Variants in BBS4 observed in about 807,000 individuals in gnomAD.
BBS4 encodes BBSome complex member BBS4.
A neutral mutation model predicts 71.4 loss-of-function variants in BBS4; 58 were observed. The observed-to-expected ratio is 0.81, with a 90% confidence interval of 0.66 to 1.01. The LOEUF (loss-of-function observed/expected upper bound fraction) is 1.01, where lower values mean the gene tolerates loss of function less well. Ranked by LOEUF, BBS4 falls within the 50% of genes least tolerant of loss-of-function variation. The pLI, the probability that BBS4 is intolerant of heterozygous loss-of-function variation, is 0.00. For missense variants in BBS4, 660 were observed against 607.9 expected, an observed-to-expected ratio of 1.09 and a Z score of -0.90; for synonymous variants, 228 against 216.8, an observed-to-expected ratio of 1.05 and a Z score of -0.46.
Position 72,737,044 on chromosome 15 carries a change from A to G in BBS4, c.1450+81A>G, listed in dbSNP as rs151029167. 282 of 1,506,212 alleles carry G rather than the reference A, an allele frequency of 1.9e-4. No individual in the cohort carries two copies. In the African/African-American group the frequency reaches 3.4e-3, roughly 18 times the overall value. The allele number at this position is 1,506,212 out of a possible 1,614,324, so 93.3% of individuals were successfully genotyped here. The stretch of plus-strand genomic sequence containing the variant: ...TCAGCAGAGATTATAGCTTTCAGTG[A>G]GGTTCTCTTCAGACTCATATGTCCA... On this transcript the variant is annotated intron_variant, in intron 15 of 15. Transcript: ENST00000268057.
At position 72,735,995 on chromosome 15, in the gene BBS4, A is replaced by G. The variant is rs370896618; in HGVS notation, c.1248+29A>G. ...TGTCTTTTATTAGCTCCCAAGAGTC[A>G]TAAGTAAGCTCTCAGGAGACTTTTA... On this transcript the variant is annotated intron_variant, in intron 14 of 15. Transcript: ENST00000268057. 1.4e-4 allele frequency: 221 copies of G among 1,613,660 alleles called. 1 individual carries two copies. In the African/African-American group the frequency reaches 2.0e-3, roughly 15 times the overall value.
rs150461496 is a variant in BBS4 at position 72,716,604 on chromosome 15, G to A, written c.333-174G>A. 1.3e-3 allele frequency among the ~76,000 whole-genome samples: 197 copies of A among 152,258 alleles called. 1 individual carries two copies. Among genetic ancestry groups the A allele is most frequent in the African/African-American group, 4.6e-3 (193 of 41,544 alleles). On this transcript the variant is annotated intron_variant, in intron 5 of 15. Coordinates refer to ENST00000268057, the MANE Select transcript of BBS4 (RefSeq NM_033028.5). ...GCTGCCAGTGCAATCCCTACTAAGA[G>A]AGCTTCTGCTGTTAGTGTATAGCAG...
intron 9 of BBS4, among the ~76,000 whole-genome samples, chr15:72,728,353 C>T (rs2065742180): frequency 1.3e-5 from 2 of 152,000 alleles, no homozygotes; most frequent in African/African-American, 4.8e-5. Context: ...AAAAAATTAG[C>T]CAGGCATGGT....
At chr15:72,726,215 G>A (rs1189506829) in intron 8 of BBS4, among the ~76,000 whole-genome samples, 2 of 151,592 alleles carry the variant, frequency 1.3e-5, no homozygotes, top group African/African-American at 2.4e-5. Flanking sequence ...GGGTTCAAGC[G>A]ATTCTCATGC....
intron 12 of BBS4, among the ~76,000 whole-genome samples, chr15:72,734,596 G>C (rs1414299909): frequency 1.3e-5 from 2 of 152,184 alleles, no homozygotes; most frequent in Non-Finnish European, 2.9e-5. Flanking sequence ...GTGCATAGCT[G>C]GTGGGGAGGT....
chr15:72,721,122 A>G (rs550518474), intron 6 of BBS4, among the ~76,000 whole-genome samples: 5 of 152,318 alleles, frequency 3.3e-5, no homozygotes, highest in African/African-American at 1.2e-4. Flanking sequence ...CCTGAGTTCA[A>G]ATCCCAATGT....
chr15:72,709,685 A>AAAT lies in BBS4; in HGVS notation c.77-13_77-11dup. On this transcript the variant is annotated splice_polypyrimidine_tract_variant and intron_variant, in intron 2 of 15. Coordinates refer to ENST00000268057, the MANE Select transcript of BBS4 (RefSeq NM_033028.5). ...AATGACTGTGTTGTTTGTTTTGTCA[A>AAAT]AATATGCTGCCTAGCTCCAGAGTTT... 1 of 1,592,298 alleles carries AAAT rather than the reference A, an allele frequency of 6.3e-7. No individual in the cohort carries two copies. The highest frequency in any genetic ancestry group is 8.6e-7 in the Non-Finnish European group (1 of 1,160,274).
chr15:72,700,058 GCCT>G (rs1387800882), intron 2 of BBS4, among the ~76,000 whole-genome samples: 1 of 152,126 alleles, frequency 6.6e-6, no homozygotes, highest in Non-Finnish European at 1.5e-5. Flanking sequence ...TTCAGCTTCA[GCCT>G]CCTGAGTAGC....
chr15:72,735,771 A>G (rs2065909384), intron 13 of BBS4, 54 bp from the exon 14 acceptor site: 13 of 1,610,456 alleles, frequency 8.1e-6, no homozygotes, highest in Non-Finnish European at 1.1e-5. Flanking sequence ...AAGGATCTCT[A>G]AATGACCATT....
intron 2 of BBS4, among the ~76,000 whole-genome samples, chr15:72,705,345 T>C (rs7170394): frequency 0.18 from 27,612 of 152,048 alleles, 2,882 homozygotes; most frequent in African/African-American, 0.28. Context: ...GGTCACACAT[T>C]TGGTAATAGG....
At position 72,737,987 on chromosome 15, in the gene BBS4, C is replaced by G; in HGVS notation, c.*400C>G. ...CCTCTGCTGAGTAGCTCTGTGATGA[C>G]AAAGCCTTGGTTTAACTGAGGTGAT... On this transcript the variant is annotated 3_prime_UTR_variant, in exon 16 of 16. Coordinates refer to ENST00000268057, the MANE Select transcript of BBS4 (RefSeq NM_033028.5). The G allele has an allele frequency of 2.2e-6, 1 of 454,438 alleles. No homozygotes were observed. The highest frequency in any genetic ancestry group is 1.6e-5 in the South Asian group (1 of 64,476). The allele number at this position is 454,438 out of a possible 1,614,324, so 28.2% of individuals were successfully genotyped here. A position where few individuals can be genotyped will look rare whatever the true frequency, so the allele number is the denominator to read the frequency against.
chr15:72,724,826 T>G (rs1370560130), intron 8 of BBS4, among the ~76,000 whole-genome samples, 171 bp downstream of exon 8: 3 of 152,154 alleles, frequency 2.0e-5, no homozygotes, highest in Non-Finnish European at 4.4e-5. Context: ...AGACTGTGTT[T>G]CTTTCTTACC....
chr15:72,686,565 G>A, intron 1 of BBS4: 1 of 1,443,472 alleles, frequency 6.9e-7, no homozygotes, highest in Non-Finnish European at 9.2e-7. Context: ...GGTTTGGAAG[G>A]TAATGACTAG....
chr15:72,724,733 A>AGT, intron 8 of BBS4, 78 bp downstream of exon 8: 1 of 1,560,202 alleles, frequency 6.4e-7, no homozygotes, highest in South Asian at 1.1e-5. Context: ...AGCCTAAAAG[A>AGT]GTGAATATGT....
chr15:72,716,887 A>G, intron 6 of BBS4, 37 bp downstream of exon 6: 1 of 1,393,978 alleles, frequency 7.2e-7, no homozygotes, highest in Non-Finnish European at 1.0e-6. Context: ...TTATTAGTAA[A>G]CTTGCTAATG....
At chr15:72,705,742 C>T (rs2065253962) in intron 2 of BBS4, among the ~76,000 whole-genome samples, 1 of 151,862 alleles carries the variant, frequency 6.6e-6, no homozygotes, top group Non-Finnish European at 1.5e-5. Flanking sequence ...CAGGCTTGTG[C>T]CTCCACTCCT....
chr15:72,709,604 T>C (rs1595921327), intron 2 of BBS4, 96 bp from the exon 3 acceptor site: 1 of 873,426 alleles, frequency 1.1e-6, no homozygotes, highest in African/African-American at 1.6e-5. Flanking sequence ...TAATGTGATA[T>C]TGCAGTATGT....
At position 72,735,789 on chromosome 15, in the gene BBS4, G is replaced by A. The variant is rs1259563220; in HGVS notation, c.1107-36G>A. On this transcript the variant is annotated intron_variant, in intron 13 of 15. Transcript: ENST00000268057. ...GATCTCTAAATGACCATTTGTTGCA[G>A]AGCCCCCAGCTCCATAGAATCTCTG... The A allele has an allele frequency of 2.5e-6, 4 of 1,613,666 alleles. No individual in the cohort carries two copies. In the African/African-American group the frequency reaches 4.0e-5, roughly 16 times the overall value.
At chr15:72,706,432 G>A (rs150851032) in intron 2 of BBS4, among the ~76,000 whole-genome samples, 56 of 152,168 alleles carry the variant, frequency 3.7e-4, no homozygotes, top group African/African-American at 1.3e-3. Context: ...CACCACCCCC[G>A]GACCCTGGAA....
Sources: allele counts gnomAD v4.1 joint callset (sites outside exome capture counted in the v4.1 genomes callset), GRCh38; gene constraint gnomAD v4.1.1; transcripts MANE v1.5; gene names NCBI Gene and HGNC (gene_info 2026-07-23, HGNC 2026-07-21).